NEGR1: variants seen among roughly 807,000 people sequenced by gnomAD.
NEGR1 encodes IgLON family member 4.
A neutral mutation model predicts 40.9 loss-of-function variants in NEGR1; 10 were observed. That is an observed-to-expected ratio of 0.24 (90% CI 0.15 to 0.42). The LOEUF (loss-of-function observed/expected upper bound fraction) is 0.42, where lower values mean the gene tolerates loss of function less well. Among genes scored for constraint, NEGR1 ranks in the 10% least tolerant of loss-of-function variants. NEGR1 has a pLI of 1.00. For missense variants in NEGR1, 352 were observed against 438.9 expected, an observed-to-expected ratio of 0.80 and a Z score of 1.77; for synonymous variants, 185 against 166.8, an observed-to-expected ratio of 1.11 and a Z score of -0.84.
At chr1:71,565,117 T>G (rs905959246) in intron 6 of NEGR1, among the ~76,000 whole-genome samples, 2 of 152,124 alleles carry the variant, frequency 1.3e-5, no homozygotes, top group Non-Finnish European at 2.9e-5. Context: ...TAAAATAAAA[T>G]GGTTGTAAAC....
intron 1 of NEGR1, among the ~76,000 whole-genome samples, chr1:72,258,416 G>T (rs1053146490): frequency 2.0e-5 from 3 of 152,058 alleles, no homozygotes; most frequent in Non-Finnish European, 4.4e-5. Context: ...CCCTAGAAGG[G>T]CATTGTTTCA....
At chr1:71,589,089 A>G (rs1283862103) in intron 6 of NEGR1, among the ~76,000 whole-genome samples, 2 of 152,288 alleles carry the variant, frequency 1.3e-5, no homozygotes, top group East Asian at 1.9e-4. Context: ...AGTTTTACAC[A>G]GAAACTGCTC....
At chr1:71,691,816 T>C (rs934360480) in intron 4 of NEGR1, among the ~76,000 whole-genome samples, 1 of 151,672 alleles carries the variant, frequency 6.6e-6, no homozygotes, top group Non-Finnish European at 1.5e-5. Context: ...TTCTGTCCCA[T>C]AACTCTTATG....
intron 3 of NEGR1, among the ~76,000 whole-genome samples, chr1:71,717,122 CAT>C (rs1182032506): frequency 6.6e-6 from 1 of 152,130 alleles, no homozygotes; most frequent in Non-Finnish European, 1.5e-5. Context: ...TGAACAGAAC[CAT>C]ATGTCATTGG....
At chr1:72,022,260 CATATATATATATATATAT>C (rs59160727) in intron 1 of NEGR1, among the ~76,000 whole-genome samples, 406 of 111,664 alleles carry the variant, frequency 3.6e-3, no homozygotes, top group African/African-American at 0.011. Flanking sequence ...AAACAATTTT[CATATATATATATATATAT>C]ATATATATAT....
rs1231684611 is a variant in NEGR1 at position 71,407,565 on chromosome 1, T to C, written c.946A>G (p.Ser316Gly). Reference protein sequence around the residue: ...TNASLPLNPPSTAQYGITGSA... With the variant: ...TNASLPLNPPGTAQYGITGSA... Reference sequence around the variant, plus strand: ...CCGGTAATTCCATACTGGGCTGTACTTGGAGCTGGAAAGAAATGGAAAAGA... The same window carrying C: ...CCGGTAATTCCATACTGGGCTGTACCTGGAGCTGGAAAGAAATGGAAAAGA... Residue 316 changes from serine to glycine, a missense_variant, in exon 7 of 7, where the codon AGT (serine) becomes GGT (glycine). Physicochemically the swap from Ser to Gly is moderately conservative, Grantham distance 56. Around this residue, in one of 5 missense-constraint regions of NEGR1, gnomAD observed 184 missense variants for 208.7 expected, o/e 0.88. Transcript: ENST00000357731. 3 of 1,611,626 alleles carry C rather than the reference T, an allele frequency of 1.9e-6. No homozygotes were observed. Among genetic ancestry groups the C allele is most frequent in the African/African-American group, 1.3e-5 (1 of 74,808 alleles).
At chr1:71,746,765 C>T (rs1557636997) in intron 3 of NEGR1, among the ~76,000 whole-genome samples, 2 of 147,856 alleles carry the variant, frequency 1.4e-5, no homozygotes, top group South Asian at 4.3e-4. Flanking sequence ...CGCGTACACA[C>T]ACACACGCAC....
intron 1 of NEGR1, among the ~76,000 whole-genome samples, chr1:72,117,439 A>G (rs1649625485): frequency 6.6e-6 from 1 of 151,856 alleles, no homozygotes; most frequent in Non-Finnish European, 1.5e-5. Context: ...AAGGTAAACC[A>G]GAATTTAGCA....
At chr1:72,123,061 A>T (rs1445199741) in intron 1 of NEGR1, among the ~76,000 whole-genome samples, 4 of 151,922 alleles carry the variant, frequency 2.6e-5, no homozygotes, top group African/African-American at 9.7e-5. Context: ...TCATGCCAGA[A>T]ATTTTATTTA....
chr1:71,888,580 T>G (rs371887300), intron 2 of NEGR1, among the ~76,000 whole-genome samples: 126 of 147,756 alleles, frequency 8.5e-4, no homozygotes, highest in South Asian at 1.2e-3. Context: ...CCACGGAATC[T>G]CGCTGATTGC....
chr1:71,696,810 A>T (rs1231852036), intron 4 of NEGR1, among the ~76,000 whole-genome samples: 2 of 151,814 alleles, frequency 1.3e-5, no homozygotes, highest in Non-Finnish European at 2.9e-5. Context: ...TGTGGGTACC[A>T]GGAGTTTTCC....
intron 1 of NEGR1, among the ~76,000 whole-genome samples, chr1:72,188,966 T>G (rs150425426): frequency 2.0e-5 from 3 of 151,502 alleles, no homozygotes; most frequent in African/African-American, 7.3e-5. Context: ...CATAAATATA[T>G]GCCCATTAGG....
intron 1 of NEGR1, among the ~76,000 whole-genome samples, chr1:72,199,927 C>T (rs1378674958): frequency 1.3e-5 from 2 of 151,828 alleles, no homozygotes; most frequent in African/African-American, 2.4e-5. Context: ...TGAAAAAATG[C>T]TCATCATTGC....
At chr1:72,256,132 T>C (rs1296385036) in intron 1 of NEGR1, among the ~76,000 whole-genome samples, 1 of 152,206 alleles carries the variant, frequency 6.6e-6, no homozygotes, top group Non-Finnish European at 1.5e-5. Flanking sequence ...CCTACATGAT[T>C]GCCAAAAATT....
chr1:72,182,005 T>C (rs1652395383), intron 1 of NEGR1, among the ~76,000 whole-genome samples: 1 of 152,090 alleles, frequency 6.6e-6, no homozygotes, highest in East Asian at 1.9e-4. Context: ...GTAATAAAAT[T>C]TCACTGTATG....
At chr1:72,226,971 C>T (rs1344982818) in intron 1 of NEGR1, among the ~76,000 whole-genome samples, 5 of 151,980 alleles carry the variant, frequency 3.3e-5, no homozygotes, top group Non-Finnish European at 7.4e-5. Flanking sequence ...TCTTTCAGAA[C>T]AAAATGGAAC....
intron 6 of NEGR1, among the ~76,000 whole-genome samples, chr1:71,423,174 G>A (rs190869952): frequency 8.5e-5 from 13 of 152,218 alleles, no homozygotes; most frequent in Admixed American, 7.9e-4. Flanking sequence ...GATCCCTAGA[G>A]GCCAGGAGTT....
chr1:72,164,265 G>A (rs1651692834), intron 1 of NEGR1, among the ~76,000 whole-genome samples: 1 of 151,820 alleles, frequency 6.6e-6, no homozygotes, highest in African/African-American at 2.4e-5. Context: ...CTTATGTTTA[G>A]AATGTAACCC....
chr1:71,940,309 T>C (rs1208616412), intron 1 of NEGR1, among the ~76,000 whole-genome samples: 1 of 152,192 alleles, frequency 6.6e-6, no homozygotes, highest in Non-Finnish European at 1.5e-5. Context: ...GTTTTTATCT[T>C]TCACTTTAAA....
Sources: gnomAD v4.1 joint callset for allele counts (sites outside exome capture counted in the v4.1 genomes callset) on GRCh38, gnomAD v4.1.1 for gene constraint, gnomAD v4.1.1 regional missense constraint, MANE v1.5 for transcripts, NCBI Gene and HGNC (gene_info 2026-07-23, HGNC 2026-07-21) for gene names.